Variants in PDE4B observed in about 807,000 individuals in gnomAD.
The protein encoded by PDE4B is phosphodiesterase 4B.
PDE4B carries 20 observed loss-of-function variants against 82.2 expected under a neutral mutation model. The observed-to-expected ratio is 0.24, with a 90% CI of 0.17 to 0.35. The LOEUF is 0.35. PDE4B is among the 10% of genes least tolerant of loss of function. The probability of loss-of-function intolerance (pLI) is 1.00; values close to 1 mark genes in which losing one functional copy is unlikely to be tolerated. For missense variants in PDE4B, 655 were observed against 907.2 expected, an observed-to-expected ratio of 0.72 and a Z score of 3.57; for synonymous variants, 320 against 318.9, an observed-to-expected ratio of 1.00 and a Z score of -0.04.
At position 65,930,260 on chromosome 1, in the gene PDE4B, C is replaced by T. The variant is rs1034548931; in HGVS notation, c.281+11425C>T. On this transcript the variant is annotated intron_variant, in intron 3 of 16. Transcript: ENST00000341517. ...CAGATTAAGGGTGAATCCTCTTTCC[C>T]GAGCCCACTGACTCAAATGTTAATC... 3.3e-5 allele frequency among the ~76,000 whole-genome samples: 5 copies of T among 152,212 alleles called. No homozygotes were observed. The South Asian group carries it at 6.2e-4, about 19-fold the overall frequency.
intron 3 of PDE4B, among the ~76,000 whole-genome samples, chr1:65,948,808 T>A (rs1486630922): frequency 2.0e-5 from 3 of 152,040 alleles, no homozygotes; most frequent in Non-Finnish European, 4.4e-5. Context: ...TGTTGCAACA[T>A]CTTTCTTGTT....
chr1:66,354,977 C>A (rs1287619741), intron 8 of PDE4B: 1 of 1,246,184 alleles, frequency 8.0e-7, no homozygotes, highest in Non-Finnish European at 1.1e-6. Flanking sequence ...TACAGGACAT[C>A]TGTAATAATT....
chr1:65,840,759 G>C (rs1646197933), intron 1 of PDE4B, among the ~76,000 whole-genome samples: 1 of 152,146 alleles, frequency 6.6e-6, no homozygotes, highest in Admixed American at 6.5e-5. Context: ...TGCTCCTTAT[G>C]TGCATATTTT....
At chr1:65,860,201 C>T (rs763463470) in intron 1 of PDE4B, among the ~76,000 whole-genome samples, 4 of 152,208 alleles carry the variant, frequency 2.6e-5, no homozygotes, top group Non-Finnish European at 5.9e-5. Flanking sequence ...CTCCCCTCAC[C>T]GCTCACCCTC....
At chr1:66,250,807 T>C (rs1363357225) in intron 4 of PDE4B, among the ~76,000 whole-genome samples, 2 of 152,232 alleles carry the variant, frequency 1.3e-5, no homozygotes, top group Non-Finnish European at 2.9e-5. Flanking sequence ...AATGGAGTTT[T>C]GATTATCCAC....
At chr1:66,192,120 A>G (rs1385475254) in intron 3 of PDE4B, among the ~76,000 whole-genome samples, 5 of 152,158 alleles carry the variant, frequency 3.3e-5, no homozygotes, top group Non-Finnish European at 7.4e-5. Flanking sequence ...AAAAAGGCTT[A>G]CTTGGTAAGT....
At chr1:65,974,133 C>T (rs1376675504) in intron 3 of PDE4B, among the ~76,000 whole-genome samples, 1 of 152,044 alleles carries the variant, frequency 6.6e-6, no homozygotes, top group Non-Finnish European at 1.5e-5. Flanking sequence ...TTTATGTCAC[C>T]AAGATGGAAA....
intron 1 of PDE4B, among the ~76,000 whole-genome samples, chr1:65,860,523 T>G (rs1021512596): frequency 9.2e-5 from 14 of 152,240 alleles, no homozygotes; most frequent in Non-Finnish European, 1.5e-5. Context: ...GCATGTGTCT[T>G]TATAGTAGAA....
At chr1:65,872,043 T>G (rs1376155999) in intron 1 of PDE4B, among the ~76,000 whole-genome samples, 3 of 152,176 alleles carry the variant, frequency 2.0e-5, no homozygotes, top group African/African-American at 7.2e-5. Context: ...TGGTTACTAT[T>G]TTGGTTTCAT....
At chr1:65,869,387 G>A (rs1003022706) in intron 1 of PDE4B, among the ~76,000 whole-genome samples, 5 of 152,136 alleles carry the variant, frequency 3.3e-5, no homozygotes, top group African/African-American at 1.2e-4. Context: ...AAATGCAATT[G>A]TTTAAAGTTA....
At chr1:66,051,711 G>T (rs532876426) in intron 3 of PDE4B, among the ~76,000 whole-genome samples, 112 of 152,100 alleles carry the variant, frequency 7.4e-4, no homozygotes, top group African/African-American at 2.6e-3. Flanking sequence ...TTGGTTATTT[G>T]CTGATTTGGA....
chr1:65,886,093 T>C lies in PDE4B; in HGVS notation c.-70-27152T>C, dbSNP rs557458531. Among the ~76,000 whole-genome samples the C allele has an allele frequency of 4.0e-5, 6 of 151,676 alleles. No homozygotes were observed. In the South Asian group the frequency reaches 8.3e-4, roughly 21 times the overall value. On this transcript the variant is annotated intron_variant, in intron 1 of 16. Coordinates refer to ENST00000341517, the MANE Select transcript of PDE4B (RefSeq NM_002600.4). ...AAAATATCTCATCATTTTTGAATAT[T>C]AATTACATTTTGAAATGACATTTGT...
chr1:65,928,432 G>C (rs1176485213), intron 3 of PDE4B, among the ~76,000 whole-genome samples: 1 of 152,148 alleles, frequency 6.6e-6, no homozygotes, highest in Non-Finnish European at 1.5e-5. Context: ...AGACCATTCT[G>C]ATTGCCACTT....
chr1:66,261,267 C>G (rs974560668), intron 6 of PDE4B, among the ~76,000 whole-genome samples: 2 of 152,106 alleles, frequency 1.3e-5, no homozygotes, highest in Admixed American at 1.3e-4. Context: ...TACCTTCAAA[C>G]AACTAAAGAA....
At chr1:65,987,697 C>T (rs1262082122) in intron 3 of PDE4B, among the ~76,000 whole-genome samples, 2 of 152,148 alleles carry the variant, frequency 1.3e-5, no homozygotes, top group African/African-American at 4.8e-5. Context: ...ACCACAACCT[C>T]CACTTCCTGG....
chr1:66,151,410 C>T (rs1646391602), intron 3 of PDE4B, among the ~76,000 whole-genome samples: 1 of 152,164 alleles, frequency 6.6e-6, no homozygotes, highest in African/African-American at 2.4e-5. Context: ...ACACTTTAAG[C>T]ATCTTCCATG....
chr1:66,192,003 T>C (rs1647853546), intron 3 of PDE4B, among the ~76,000 whole-genome samples: 1 of 152,136 alleles, frequency 6.6e-6, no homozygotes, highest in South Asian at 2.1e-4. Context: ...CAATTCAAGA[T>C]GAGATTTGGG....
chr1:65,818,919 A>G (rs1453646924), intron 1 of PDE4B, among the ~76,000 whole-genome samples: 2 of 152,174 alleles, frequency 1.3e-5, no homozygotes, highest in African/African-American at 4.8e-5. Context: ...TTGCAATAAT[A>G]AAACACCCCC....
intron 3 of PDE4B, among the ~76,000 whole-genome samples, chr1:66,208,801 A>C (rs1649780775): frequency 6.6e-6 from 1 of 152,250 alleles, no homozygotes; most frequent in Non-Finnish European, 1.5e-5. Context: ...TATTAATTAC[A>C]ATATAATACT....
Sources: allele counts gnomAD v4.1 joint callset (sites outside exome capture counted in the v4.1 genomes callset), GRCh38; gene constraint gnomAD v4.1.1; transcripts MANE v1.5; gene names NCBI Gene and HGNC (gene_info 2026-07-23, HGNC 2026-07-21).